The following ZNF799 variants were observed in gnomAD, a reference collection of about 807,000 sequenced individuals.
The protein encoded by ZNF799 is zinc finger protein 799, also known as zinc finger protein 14.
ZNF799 carries 28 observed loss-of-function variants against 41.0 expected under a neutral mutation model. The ratio of observed to expected loss-of-function variants is 0.68; its 90% CI spans 0.51 to 0.94. ZNF799 has a LOEUF of 0.94. Among genes scored for constraint, ZNF799 ranks in the 40% least tolerant of loss-of-function variants. The pLI is 0.00. For synonymous variants in ZNF799, 213 were observed against 252.9 expected (o/e 0.84, Z 1.50); for missense variants, 716 against 764.3 (o/e 0.94, Z 0.74).
At chr19:12,408,794 A>G in the ZNF799 span, among the ~76,000 whole-genome samples, 20 of 152,268 alleles carry the variant, frequency 1.3e-4, 1 homozygote, top group East Asian at 3.7e-3. Context: ...AGCACTATGG[A>G]AGGCCGAGGT....
chr19:12,397,682 A>G (rs1969917735), intron 1 of ZNF799, among the ~76,000 whole-genome samples: 1 of 152,140 alleles, frequency 6.6e-6, no homozygotes, highest in Non-Finnish European at 1.5e-5. Context: ...AGACAGAAAA[A>G]GGAAGTTGAA....
the ZNF799 span, among the ~76,000 whole-genome samples, chr19:12,411,609 T>C: frequency 2.2e-5 from 3 of 134,910 alleles, no homozygotes; most frequent in African/African-American, 9.0e-5. Context: ...ATTTTGGTTT[T>C]TCGTTTTTGT....
the ZNF799 span, among the ~76,000 whole-genome samples, chr19:12,410,295 ATATC>A: frequency 1.5e-5 from 2 of 131,330 alleles, no homozygotes; most frequent in African/African-American, 2.7e-5. Context: ...ATATATATAT[ATATC>A]TTAGCCAAAA....
the ZNF799 span, among the ~76,000 whole-genome samples, chr19:12,409,012 G>T: frequency 2.0e-5 from 3 of 151,860 alleles, no homozygotes; most frequent in Admixed American, 1.3e-4. Flanking sequence ...TCCAGCCTGG[G>T]CAATAATTGT....
rs780162300 is a variant in ZNF799, at chr19:12,391,099, G to A, written c.1299C>T (p.Ser433=). 1.2e-6 allele frequency: 2 copies of A among 1,614,116 alleles called. No homozygotes were observed. Among genetic ancestry groups the A allele is most frequent in the South Asian group, 2.2e-5 (2 of 91,076 alleles). ...TTGTTTCATGCCTTCGAAGAGAACT[G>A]GAAATACGGTAGGCTTTGCCACATT... The part of the protein sequence containing the change: ...CKQCGKAYRI[S]SSLRRHETTH... Residue 433 remains serine, a synonymous_variant, in exon 4 of 4, where the codon TCC becomes TCT. Transcript: ENST00000430385.
In ZNF799 at chr19:12,399,643, C is replaced by CTT. The variant is rs35008340; in HGVS notation, c.3+1423_3+1424dup. ...AAGAGACTTGGCAGCTGTGGACACC[C>CTT]TTTTTTTTTTTTTTTTTTGAGACAG... On this transcript the variant is annotated intron_variant, in intron 1 of 3. Coordinates refer to ENST00000430385, the MANE Select transcript of ZNF799 (RefSeq NM_001080821.3). Among the ~76,000 whole-genome samples the CTT allele has an allele frequency of 5.0e-4, 65 of 128,838 alleles. 1 individual carries two copies. The highest frequency in any genetic ancestry group is 1.5e-3 in the African/African-American group (47 of 30,624). 84.5% of individuals were successfully genotyped at this position (128,838 alleles called of 152,430 possible).
chr19:12,415,006 T>A, the ZNF799 span, among the ~76,000 whole-genome samples: 1 of 152,154 alleles, frequency 6.6e-6, no homozygotes, highest in Non-Finnish European at 1.5e-5. Context: ...AGACTTTGAA[T>A]CTGAAAACAT....
Position 12,401,201 on chromosome 19 carries a change from C to A in ZNF799, c.-131G>T, listed in dbSNP as rs1969980043. 6.4e-7 allele frequency: 1 copy of A among 1,557,978 alleles called. No homozygotes were observed. Among genetic ancestry groups the A allele is most frequent in the African/African-American group, 1.4e-5 (1 of 74,036 alleles). On this transcript the variant is annotated 5_prime_UTR_variant, in exon 1 of 4. Coordinates refer to ENST00000430385, the MANE Select transcript of ZNF799 (RefSeq NM_001080821.3). Reference sequence around the variant, plus strand: ...ACAGAGCCGAGCACCGAGCGCCCAGCGCAGGTGGGTGGAGAAGACGCCGCG... The same window carrying A: ...ACAGAGCCGAGCACCGAGCGCCCAGAGCAGGTGGGTGGAGAAGACGCCGCG...
chr19:12,411,341 A>G, the ZNF799 span, among the ~76,000 whole-genome samples: 1 of 152,188 alleles, frequency 6.6e-6, no homozygotes, highest in African/African-American at 2.4e-5. Flanking sequence ...ATTAACCACA[A>G]TGACTAAAAG....
intron 1 of ZNF799, among the ~76,000 whole-genome samples, chr19:12,397,799 GAAGAC>G (rs1256021251): frequency 6.6e-6 from 1 of 151,710 alleles, no homozygotes; most frequent in South Asian, 2.1e-4. Context: ...ACCAATAAAA[GAAGAC>G]AAGGACTGAC....
intron 1 of ZNF799, chr19:12,398,099 GA>G (rs573161971): frequency 1.6e-3 from 234 of 148,244 alleles, no homozygotes; most frequent in Non-Finnish European, 1.2e-3. Flanking sequence ...AAATACGAAA[GA>G]AAAAAAAAAT....
chr19:12,391,588 T>C lies in ZNF799; in HGVS notation c.810A>G (p.Arg270=), dbSNP rs1445673349. The change falls in exon 4 of 4, where the codon AGA becomes AGG. Residue 270 remains arginine, a synonymous_variant. Coordinates refer to ENST00000430385, the MANE Select transcript of ZNF799 (RefSeq NM_001080821.3). ...KAFPDYSSCL[R]HERTHTGKKP... ...TCTTTCCAGTGTGAGTTCTTTCATGTCTTAGACAAGAACTGTAATCAGGGA... is the reference window on the plus strand; with the variant it reads ...TCTTTCCAGTGTGAGTTCTTTCATGCCTTAGACAAGAACTGTAATCAGGGA... The C allele has an allele frequency of 9.9e-6, 16 of 1,614,072 alleles. No individual in the cohort carries two copies. The highest frequency in any genetic ancestry group is 1.3e-5 in the African/African-American group (1 of 74,930).
chr19:12,412,855 C>T, the ZNF799 span, among the ~76,000 whole-genome samples: 1 of 151,968 alleles, frequency 6.6e-6, no homozygotes, highest in East Asian at 1.9e-4. Flanking sequence ...GCCTGACCAA[C>T]ATGGAGAAAC....
intron 1 of ZNF799, among the ~76,000 whole-genome samples, chr19:12,395,495 G>GC (rs1969881943): frequency 6.6e-6 from 1 of 152,112 alleles, no homozygotes; most frequent in Non-Finnish European, 1.5e-5. Context: ...GTCCAATTTG[G>GC]CAGGAACTGC....
At chr19:12,410,964 A>C in the ZNF799 span, among the ~76,000 whole-genome samples, 1 of 152,222 alleles carries the variant, frequency 6.6e-6, no homozygotes, top group Non-Finnish European at 1.5e-5. Context: ...CCAGACCAGG[A>C]TGGTTTCACT....
intron 1 of ZNF799, among the ~76,000 whole-genome samples, chr19:12,398,853 A>C (rs1969937390): frequency 6.6e-6 from 1 of 152,200 alleles, no homozygotes; most frequent in African/African-American, 2.4e-5. Context: ...AAATCATCCA[A>C]AAAACAAACA....
At chr19:12,396,283 G>A (rs185703248) in intron 1 of ZNF799, among the ~76,000 whole-genome samples, 696 of 149,708 alleles carry the variant, frequency 4.6e-3, no homozygotes, top group Non-Finnish European at 7.1e-3. Flanking sequence ...GTTCAATGAA[G>A]TAAAGGCAAT....
chr19:12,402,468 T>G (rs367749987), upstream of ZNF799, among the ~76,000 whole-genome samples: 3 of 150,148 alleles, frequency 2.0e-5, no homozygotes, highest in East Asian at 5.9e-4. Flanking sequence ...TCGAGTACTG[T>G]GCTGAACAAC....
chr19:12,392,491 G>C, intron 3 of ZNF799, 112 bp downstream of exon 3: 1 of 1,100,044 alleles, frequency 9.1e-7, no homozygotes, highest in Non-Finnish European at 1.3e-6. Context: ...AATTTTCTAA[G>C]AATAAATAAA....
Sources: allele counts gnomAD v4.1 joint callset (sites outside exome capture counted in the v4.1 genomes callset), GRCh38; gene constraint gnomAD v4.1.1; transcripts MANE v1.5; gene names NCBI Gene and HGNC (gene_info 2026-07-23, HGNC 2026-07-21).